Variants in FGD3 observed in about 807,000 individuals in gnomAD.
FGD3 encodes the protein FYVE, RhoGEF and PH domain-containing protein 3.
A neutral mutation model predicts 71.8 loss-of-function variants in FGD3; 45 were observed. The observed-to-expected ratio is 0.63, with a 90% CI of 0.49 to 0.80. The LOEUF is 0.80. Ranked by LOEUF, FGD3 falls within the 30% of genes least tolerant of loss-of-function variation. FGD3 has a pLI of 0.00. For synonymous variants in FGD3, 378 were observed against 392.8 expected, an observed-to-expected ratio of 0.96 and a Z score of 0.44; for missense variants, 844 against 951.5, an observed-to-expected ratio of 0.89 and a Z score of 1.49.
chr9:92,949,790 C>A (rs930736971), intron 1 of FGD3, among the ~76,000 whole-genome samples: 1 of 152,128 alleles, frequency 6.6e-6, no homozygotes, highest in African/African-American at 2.4e-5. Context: ...CACCCCTGTT[C>A]GAGTGTGCCA....
intron 3 of FGD3, among the ~76,000 whole-genome samples, chr9:92,993,361 G>A (rs1860495626): frequency 6.6e-6 from 1 of 152,072 alleles, no homozygotes; most frequent in Admixed American, 6.6e-5. Flanking sequence ...TTTCCATCCT[G>A]TCACTTTCAG....
At chr9:92,999,928 T>C (rs1860799430) in intron 3 of FGD3, among the ~76,000 whole-genome samples, 1 of 152,164 alleles carries the variant, frequency 6.6e-6, no homozygotes, top group Admixed American at 6.6e-5. Flanking sequence ...TTAATCCATT[T>C]ACATTTAAAG....
chr9:93,028,212 A>ACACC (rs533043161), intron 14 of FGD3, among the ~76,000 whole-genome samples: 1 of 81,598 alleles, frequency 1.2e-5, no homozygotes, highest in Non-Finnish European at 2.6e-5. Context: ...ACACACACAC[A>ACACC]CACACGCACA....
intron 5 of FGD3, 35 bp from the exon 6 acceptor site, chr9:93,005,989 C>T: frequency 6.4e-7 from 1 of 1,566,526 alleles, no homozygotes; most frequent in South Asian, 1.2e-5. Flanking sequence ...CCATTGCACC[C>T]AGCTATTTCT....
At chr9:92,973,935 G>A (rs1162350998) in intron 1 of FGD3, among the ~76,000 whole-genome samples, 1 of 152,192 alleles carries the variant, frequency 6.6e-6, no homozygotes, top group Non-Finnish European at 1.5e-5. Context: ...AGTCCACTGG[G>A]CCCCACAGGG....
intron 14 of FGD3, among the ~76,000 whole-genome samples, chr9:93,028,327 T>G (rs1862211935): frequency 7.6e-6 from 1 of 130,802 alleles, no homozygotes; most frequent in South Asian, 2.3e-4. Flanking sequence ...TAGGTAGTTT[T>G]CTTTTAAACA....
Position 93,003,957 on chromosome 9 carries a change from G to GT in FGD3, c.544-43dup. Reference sequence around the variant, plus strand: ...CGAAGCGGGGCGGCAACTGTGCTCAGTGGAAGAGGCTCACTGGCCACACGT... The same window carrying GT: ...CGAAGCGGGGCGGCAACTGTGCTCAGTTGGAAGAGGCTCACTGGCCACACGT... On this transcript the variant is annotated intron_variant, in intron 4 of 17. Coordinates refer to ENST00000375482, the MANE Select transcript of FGD3 (RefSeq NM_001083536.2). The surrounding 1 kb of genome is among the most constrained non-coding windows in gnomAD (Gnocchi z 4.1). The GT allele has an allele frequency of 1.2e-6, 2 of 1,611,392 alleles. No individual in the cohort carries two copies. The highest frequency in any genetic ancestry group is 1.7e-6 in the Non-Finnish European group (2 of 1,178,562).
intron 1 of FGD3, among the ~76,000 whole-genome samples, chr9:92,972,295 T>C (rs1300413942): frequency 6.6e-6 from 1 of 151,010 alleles, no homozygotes; most frequent in Non-Finnish European, 1.5e-5. Flanking sequence ...CTAAAAAAAA[T>C]ACAAAAATTA....
At chr9:93,012,819 C>G (rs1168438069) in intron 8 of FGD3, among the ~76,000 whole-genome samples, 1 of 152,210 alleles carries the variant, frequency 6.6e-6, no homozygotes, top group Admixed American at 6.5e-5. Context: ...CCTTCATGGA[C>G]TGGCTCTGTG....
At chr9:93,031,781 C>T (rs1229663330) in intron 15 of FGD3, among the ~76,000 whole-genome samples, 1 of 152,080 alleles carries the variant, frequency 6.6e-6, no homozygotes, top group Non-Finnish European at 1.5e-5. Context: ...ACATTCAGTA[C>T]GTGGGGCAGG....
chr9:93,020,195 G>T, intron 12 of FGD3, 122 bp from the exon 13 acceptor site: 1 of 866,830 alleles, frequency 1.2e-6, no homozygotes, highest in South Asian at 1.7e-5. Context: ...ATGGCCAGTG[G>T]CCTGGGCATT....
At chr9:92,953,309 G>A (rs1301273584) in intron 1 of FGD3, among the ~76,000 whole-genome samples, 5 of 151,924 alleles carry the variant, frequency 3.3e-5, no homozygotes, top group Non-Finnish European at 4.4e-5. Flanking sequence ...AGAAACAATC[G>A]CTTCCACTTC....
Position 93,010,249 on chromosome 9 carries a change from C to G in FGD3, c.841C>G (p.Gln281Glu). 2.5e-6 allele frequency: 4 copies of G among 1,607,716 alleles called. No homozygotes were observed. Among genetic ancestry groups the G allele is most frequent in the Non-Finnish European group, 3.4e-6 (4 of 1,175,418 alleles). Residue 281 changes from glutamine (Q) to glutamate (E), a missense_variant, in exon 7 of 18, where the codon CAG becomes GAG. By Grantham distance (29) the Gln-to-Glu change is conservative. Coordinates refer to ENST00000375482, the MANE Select transcript of FGD3 (RefSeq NM_001083536.2). ...AATGCTCCCTCTGTCCCCACAGAAG[C>G]AGGAGGTATGCGGGAACCTGACGCT... ...FKDVVHSIQK[Q>E]EVCGNLTLQH...
rs373617461 is a variant in FGD3, at chr9:93,019,002, C to T, written c.1355+787C>T. ...TTGGGATTACAGGCACCCGCCACCACGCCAGGCTAATTTTTTGTTTGAGTG... is the reference window on the plus strand; with the variant it reads ...TTGGGATTACAGGCACCCGCCACCATGCCAGGCTAATTTTTTGTTTGAGTG... On this transcript the variant is annotated intron_variant, in intron 11 of 17. Coordinates refer to ENST00000375482, the MANE Select transcript of FGD3 (RefSeq NM_001083536.2). Among the ~76,000 whole-genome samples, 34 of 152,216 alleles carry T rather than the reference C, an allele frequency of 2.2e-4. 1 individual carries two copies. Among genetic ancestry groups the T allele is most frequent in the African/African-American group, 7.0e-4 (29 of 41,538 alleles).
intron 3 of FGD3, among the ~76,000 whole-genome samples, chr9:92,980,309 C>A (rs1859939591): frequency 6.6e-6 from 1 of 152,160 alleles, no homozygotes; most frequent in Non-Finnish European, 1.5e-5. Flanking sequence ...TGTGAGTCAC[C>A]ATTCCCAGCC....
rs12684600 is a variant in FGD3, at chr9:92,975,593, C to T, written c.-50+188C>T. ...ACACTTGAATTTGGTCCATGAGAGG[C>T]ATGGTGGGCCAGTGTGAGGTGGCTC... On this transcript the variant is annotated intron_variant, in intron 2 of 17. Coordinates refer to ENST00000375482, the MANE Select transcript of FGD3 (RefSeq NM_001083536.2). Among the ~76,000 whole-genome samples, 3,166 of 152,228 alleles carry T rather than the reference C, an allele frequency of 0.021. 314 individuals carry two copies. In the East Asian group the frequency reaches 0.33, roughly 16 times the overall value.
Position 93,023,401 on chromosome 9 carries a change from C to T in FGD3, c.1557+1012C>T, listed in dbSNP as rs141683179. Among the ~76,000 whole-genome samples, 84 of 152,286 alleles carry T rather than the reference C, an allele frequency of 5.5e-4. No homozygotes were observed. In the East Asian group the frequency reaches 0.01, roughly 18 times the overall value. ...TCAGGGGCACGACGGAGTGTGGAGG[C>T]GTGGGGGGCTTGCACATACATCCCA... On this transcript the variant is annotated intron_variant, in intron 14 of 17. Coordinates refer to ENST00000375482, the MANE Select transcript of FGD3 (RefSeq NM_001083536.2).
In FGD3 at chr9:93,003,388, C is replaced by T. The variant is rs1042566813; in HGVS notation, c.543+374C>T. 3.9e-5 allele frequency among the ~76,000 whole-genome samples: 6 copies of T among 152,244 alleles called. No homozygotes were observed. Among genetic ancestry groups the T allele is most frequent in the African/African-American group, 1.4e-4 (6 of 41,462 alleles). The stretch of plus-strand genomic sequence containing the variant: ...AGGTGATCCACCAGCCTCGGCCTCC[C>T]AAAGTCCTGGGATTACAGGCGTGAG... On this transcript the variant is annotated intron_variant, in intron 4 of 17. Coordinates refer to ENST00000375482, the MANE Select transcript of FGD3 (RefSeq NM_001083536.2). This position sits in a 1 kb window ranked among gnomAD's most constrained non-coding sequence, Gnocchi z 4.1.
chr9:92,991,143 A>G (rs1318710375), intron 3 of FGD3, among the ~76,000 whole-genome samples: 1 of 152,046 alleles, frequency 6.6e-6, no homozygotes, highest in African/African-American at 2.4e-5. Flanking sequence ...CAGTGGCGCA[A>G]TCTTGGCTCC....
Sources: allele counts gnomAD v4.1 joint callset (sites outside exome capture counted in the v4.1 genomes callset), GRCh38; gene constraint gnomAD v4.1.1; non-coding constraint Gnocchi (gnomAD v3.1); transcripts MANE v1.5; gene names NCBI Gene and HGNC (gene_info 2026-07-23, HGNC 2026-07-21).